PRMT8: variants seen among roughly 807,000 people sequenced by gnomAD.
PRMT8 encodes protein arginine N-methyltransferase 8.
In PRMT8, 7 loss-of-function variants were observed where a neutral mutation model predicts 47.1. The ratio of observed to expected loss-of-function variants is 0.15; its 90% CI spans 0.08 to 0.28. PRMT8 has a LOEUF of 0.28. PRMT8 is among the 10% of genes least tolerant of loss of function. PRMT8 has a pLI of 1.00. For missense variants in PRMT8, 237 were observed against 505.4 expected, an observed-to-expected ratio of 0.47 and a Z score of 5.09; for synonymous variants, 188 against 186.5, an observed-to-expected ratio of 1.01 and a Z score of -0.07.
chr12:3,451,979 A>G (rs569333715), intron 1 of PRMT8, among the ~76,000 whole-genome samples: 8 of 152,290 alleles, frequency 5.3e-5, no homozygotes, highest in African/African-American at 1.9e-4. Flanking sequence ...CCCAGTCAAA[A>G]ACTATTAGTG....
intron 1 of PRMT8, among the ~76,000 whole-genome samples, chr12:3,412,965 C>G (rs1460988683): frequency 1.3e-5 from 2 of 152,168 alleles, no homozygotes; most frequent in Non-Finnish European, 1.5e-5. Context: ...TCTGCCATAG[C>G]AATCCTGGTA....
chr12:3,468,133 A>G (rs1865121942), intron 1 of PRMT8, among the ~76,000 whole-genome samples: 1 of 152,228 alleles, frequency 6.6e-6, no homozygotes, highest in Non-Finnish European at 1.5e-5. Flanking sequence ...AGAACTTAGT[A>G]TAGATGTGGG....
intron 2 of PRMT8, among the ~76,000 whole-genome samples, chr12:3,547,513 C>T (rs535579103): frequency 6.6e-6 from 1 of 152,218 alleles, no homozygotes; most frequent in East Asian, 1.9e-4. Context: ...CATGGTGGCT[C>T]ACATCTGTAA....
chr12:3,520,466 C>T (rs1865863726), intron 1 of PRMT8, among the ~76,000 whole-genome samples: 1 of 152,206 alleles, frequency 6.6e-6, no homozygotes, highest in African/African-American at 2.4e-5. Context: ...TGGAAAGGTG[C>T]CTAACCTAAC....
intron 8 of PRMT8, among the ~76,000 whole-genome samples, chr12:3,589,686 G>A (rs1293126393): frequency 1.3e-5 from 2 of 152,184 alleles, no homozygotes; most frequent in African/African-American, 4.8e-5. Context: ...TCATGGAAAC[G>A]AGATGTTTAT....
chr12:3,491,850 G>A (rs1374527663), intron 1 of PRMT8, 150 bp downstream of exon 1: 2 of 252,492 alleles, frequency 7.9e-6, no homozygotes, highest in South Asian at 2.2e-4. Flanking sequence ...GTGTGTGTGT[G>A]TGTGTGTGTG....
chr12:3,576,835 C>G lies in PRMT8; in HGVS notation c.713-36C>G. The G allele has an allele frequency of 6.4e-7, 1 of 1,570,816 alleles. No homozygotes were observed. The highest frequency in any genetic ancestry group is 8.8e-7 in the Non-Finnish European group (1 of 1,142,228). ...AGGGTTGGGTGAGCTTCTGGGGGTC[C>G]TGCGCCTGCCTTCACGTCTTGCTCT... is the stretch of plus-strand genomic sequence containing the variant. On this transcript the variant is annotated intron_variant, in intron 6 of 9. Coordinates refer to ENST00000382622, the MANE Select transcript of PRMT8 (RefSeq NM_019854.5). This position sits in a 1 kb window ranked among gnomAD's most constrained non-coding sequence, Gnocchi z 4.0.
intron 1 of PRMT8, among the ~76,000 whole-genome samples, chr12:3,536,505 G>T (rs1002872249): frequency 6.6e-6 from 1 of 152,220 alleles, no homozygotes; most frequent in African/African-American, 2.4e-5. Context: ...GGTGCTGGAG[G>T]CCCCTGTGAC....
In PRMT8 at chr12:3,590,097, G is replaced by A. The variant is rs148658086; in HGVS notation, c.980-2134G>A. 5.6e-3 allele frequency among the ~76,000 whole-genome samples: 849 copies of A among 152,348 alleles called. 11 individuals carry two copies. Among genetic ancestry groups the A allele is most frequent in the African/African-American group, 0.02 (819 of 41,576 alleles). ...GTATGCCCTGAAGGCCAGAAAGGCT[G>A]GATGTGTTCAGGAACCCAGGCAGGG... is the stretch of plus-strand genomic sequence containing the variant. On this transcript the variant is annotated intron_variant, in intron 8 of 9. Transcript: ENST00000382622.
intron 1 of PRMT8, among the ~76,000 whole-genome samples, chr12:3,426,026 G>C (rs1403663607): frequency 6.6e-6 from 1 of 152,232 alleles, no homozygotes; most frequent in Non-Finnish European, 1.5e-5. Context: ...GATGGCCCTC[G>C]GGGGCTGACC....
rs757524651 is a variant in PRMT8, at chr12:3,576,853, C to A, written c.713-18C>A. On this transcript the variant is annotated intron_variant, in intron 6 of 9. Transcript: ENST00000382622. The surrounding 1 kb of genome is among the most constrained non-coding windows in gnomAD (Gnocchi z 4.0). ...GGGGGTCCTGCGCCTGCCTTCACGT[C>A]TTGCTCTGCTCCCACAGGGTGGGAG... The A allele has an allele frequency of 1.9e-6, 3 of 1,609,314 alleles. No individual in the cohort carries two copies. The Admixed American group carries it at 5.0e-5, about 27-fold the overall frequency.
At chr12:3,400,058 C>G (rs1285685212) in intron 1 of PRMT8, among the ~76,000 whole-genome samples, 1 of 152,000 alleles carries the variant, frequency 6.6e-6, no homozygotes, top group East Asian at 1.9e-4. Context: ...CATTGAAAAG[C>G]TAGAAAGATC....
intron 1 of PRMT8, among the ~76,000 whole-genome samples, chr12:3,524,437 C>T (rs1227937515): frequency 6.6e-6 from 1 of 152,054 alleles, no homozygotes; most frequent in Non-Finnish European, 1.5e-5. Context: ...CCCACCTTCC[C>T]CCTCTTCCCC....
intron 1 of PRMT8, among the ~76,000 whole-genome samples, chr12:3,431,009 C>A (rs1487100310): frequency 6.6e-6 from 1 of 152,114 alleles, no homozygotes. Context: ...CTGTTCGACT[C>A]TGGAGAGATG....
chr12:3,469,692 G>C (rs572456340), intron 1 of PRMT8, among the ~76,000 whole-genome samples: 5 of 152,212 alleles, frequency 3.3e-5, no homozygotes, highest in Admixed American at 2.0e-4. Context: ...ACCTTAAAAG[G>C]GTGATTTTTA....
Position 3,593,593 on chromosome 12 carries a change from A to G in PRMT8, c.*411A>G, listed in dbSNP as rs1388352008. The G allele has an allele frequency of 4.2e-6, 1 of 236,946 alleles. No individual in the cohort carries two copies. Among genetic ancestry groups the G allele is most frequent in the Non-Finnish European group, 8.2e-6 (1 of 121,472 alleles). The allele number at this position is 236,946 out of a possible 1,614,324, so 14.7% of individuals were successfully genotyped here. ...TAGCATCTTTGATAGCATAAGCCAGATTATCTGTGTGTGCGGTGGTGTGCG... is the reference window on the plus strand; with the variant it reads ...TAGCATCTTTGATAGCATAAGCCAGGTTATCTGTGTGTGCGGTGGTGTGCG... On this transcript the variant is annotated 3_prime_UTR_variant, in exon 10 of 10. Coordinates refer to ENST00000382622, the MANE Select transcript of PRMT8 (RefSeq NM_019854.5). The surrounding 1 kb of genome is among the most constrained non-coding windows in gnomAD (Gnocchi z 4.8).
Position 3,557,643 on chromosome 12 carries a change from G to T in PRMT8, c.481+3929G>T, listed in dbSNP as rs183446638. On this transcript the variant is annotated intron_variant, in intron 4 of 9. Transcript: ENST00000382622. This position sits in a 1 kb window ranked among gnomAD's most constrained non-coding sequence, Gnocchi z 4.7. Reference sequence around the variant, plus strand: ...ACTGGTCGATTCTTTCTCTGGGAGGGTGACACAGCCTGGCCTCCTTCTCCC... The same window carrying T: ...ACTGGTCGATTCTTTCTCTGGGAGGTTGACACAGCCTGGCCTCCTTCTCCC... 8.3e-4 allele frequency among the ~76,000 whole-genome samples: 127 copies of T among 152,286 alleles called. No individual in the cohort carries two copies. The highest frequency in any genetic ancestry group is 3.0e-3 in the African/African-American group (125 of 41,554).
At chr12:3,525,053 C>T (rs1223588016) in intron 1 of PRMT8, among the ~76,000 whole-genome samples, 1 of 152,050 alleles carries the variant, frequency 6.6e-6, no homozygotes, top group African/African-American at 2.4e-5. Context: ...GAAACCCCAT[C>T]ACTACTAAAA....
At chr12:3,488,274 G>A (rs1165038668), upstream of PRMT8, among the ~76,000 whole-genome samples, 4 of 152,154 alleles carry the variant, frequency 2.6e-5, no homozygotes, top group Non-Finnish European at 5.9e-5. Flanking sequence ...CATGTGCCTA[G>A]GACAGGGCCT....
Sources: allele counts gnomAD v4.1 joint callset (sites outside exome capture counted in the v4.1 genomes callset), GRCh38; gene constraint gnomAD v4.1.1; non-coding constraint Gnocchi (gnomAD v3.1); transcripts MANE v1.5; gene names NCBI Gene and HGNC (gene_info 2026-07-23, HGNC 2026-07-21).